UBE2B: variants seen among roughly 807,000 people sequenced by gnomAD.
UBE2B encodes the protein ubiquitin conjugating enzyme E2 B.
Under a neutral mutation model 24.6 loss-of-function variants are expected in UBE2B, and 11 were observed. The ratio of observed to expected loss-of-function variants is 0.45; its 90% CI spans 0.28 to 0.74. The LOEUF (loss-of-function observed/expected upper bound fraction) is 0.74, where lower values mean the gene tolerates loss of function less well. Ranked by LOEUF, UBE2B falls within the 30% of genes least tolerant of loss-of-function variation. The pLI, the probability that UBE2B is intolerant of heterozygous loss-of-function variation, is 0.13. For missense variants in UBE2B, 78 were observed against 185.6 expected (o/e 0.42, Z 3.37); for synonymous variants, 68 against 62.4 (o/e 1.09, Z -0.42).
chr5:134,390,105 T>C lies in UBE2B; in HGVS notation c.331-120T>C. ...TATTTAGACCCAAAATTATATGACA[T>C]GTTAATCTCTGAAGTAATTTGTTGT... On this transcript the variant is annotated intron_variant, in intron 5 of 5. Transcript: ENST00000265339. The surrounding 1 kb of genome is among the most constrained non-coding windows in gnomAD (Gnocchi z 4.6). The C allele has an allele frequency of 8.2e-7, 1 of 1,224,030 alleles. No homozygotes were observed. The allele number at this position is 1,224,030 out of a possible 1,614,324, so 75.8% of individuals were successfully genotyped here.
Position 134,391,758 on chromosome 5 carries a change from T to G in UBE2B, c.*1405T>G, listed in dbSNP as rs1404028601. 5 of 152,196 alleles carry G rather than the reference T, an allele frequency of 3.3e-5. No individual in the cohort carries two copies. The highest frequency in any genetic ancestry group is 1.2e-4 in the African/African-American group (5 of 41,472). The allele number at this position is 152,196 out of a possible 1,614,324, so 9.4% of individuals were successfully genotyped here. On this transcript the variant is annotated 3_prime_UTR_variant, in exon 6 of 6. Transcript: ENST00000265339. The stretch of plus-strand genomic sequence containing the variant: ...CGGGAGGATCACTTGAGGCCAGGAC[T>G]TTGAGACCAGCCAGGGCAACATAAT...
chr5:134,380,886 C>G, intron 4 of UBE2B, 78 bp downstream of exon 4: 1 of 841,516 alleles, frequency 1.2e-6, no homozygotes, highest in Non-Finnish European at 1.9e-6. Flanking sequence ...TTTCACCTTA[C>G]TTTTTACTGT....
In UBE2B at chr5:134,371,590, C is replaced by A; in HGVS notation, c.-6C>A. 6.2e-7 allele frequency: 1 copy of A among 1,612,448 alleles called. No individual in the cohort carries two copies. Among genetic ancestry groups the A allele is most frequent in the Non-Finnish European group, 8.5e-7 (1 of 1,179,732 alleles). On this transcript the variant is annotated 5_prime_UTR_variant, in exon 1 of 6. Transcript: ENST00000265339. ...TTTCAGACTGACCGCGGGGCAGCTG[C>A]GGAGCATGTCGACCCCGGCCCGGAG...
chr5:134,384,472 T>C lies in UBE2B; in HGVS notation c.241+3664T>C, dbSNP rs35267168. 7.3e-3 allele frequency among the ~76,000 whole-genome samples: 1,117 copies of C among 152,244 alleles called. 17 individuals are homozygous for C. The highest frequency in any genetic ancestry group is 0.025 in the African/African-American group (1,042 of 41,538). On this transcript the variant is annotated intron_variant, in intron 4 of 5. Transcript: ENST00000265339. ...AGCTTTATCTTGCTTAGACTTGTTA[T>C]TGAGTCAAACCAAACCAATTATGAT...
At position 134,388,059 on chromosome 5, in the gene UBE2B, C is replaced by T. The variant is rs1350924012; in HGVS notation, c.242-266C>T. Reference sequence around the variant, plus strand: ...CTCAAGCAATCCTGCCTGCCTCGGCCTCCCAAAGTGTTCAGGACTGGCGTG... The same window carrying T: ...CTCAAGCAATCCTGCCTGCCTCGGCTTCCCAAAGTGTTCAGGACTGGCGTG... On this transcript the variant is annotated intron_variant, in intron 4 of 5. Transcript: ENST00000265339. 5.1e-5 allele frequency: 23 copies of T among 446,754 alleles called. No homozygotes were observed. In the East Asian group the frequency reaches 9.9e-4, roughly 19 times the overall value. 27.7% of individuals were successfully genotyped at this position (446,754 alleles called of 1,614,324 possible).
chr5:134,378,534 C>T (rs35402099), intron 3 of UBE2B, among the ~76,000 whole-genome samples: 1 of 152,088 alleles, frequency 6.6e-6, no homozygotes, highest in East Asian at 1.9e-4. Context: ...AGTGCTGAGG[C>T]ATGAGCCACA....
intron 2 of UBE2B, among the ~76,000 whole-genome samples, chr5:134,376,348 A>AAAAAATATATATATATATATATATATAT: frequency 4.2e-4 from 2 of 4,776 alleles, no homozygotes; most frequent in Non-Finnish European, 5.5e-4. Flanking sequence ...AAAAAAAAAA[A>AAAAAATATATATATATATATATATATAT]ATATATATAT....
At chr5:134,376,869 C>T (rs1052152174) in intron 3 of UBE2B, among the ~76,000 whole-genome samples, 175 bp downstream of exon 3, 3 of 152,140 alleles carry the variant, frequency 2.0e-5, no homozygotes, top group African/African-American at 2.4e-5. Context: ...AGCTTGGTCA[C>T]CTCCATTGGT....
chr5:134,376,195 A>G (rs1282492240), intron 2 of UBE2B, among the ~76,000 whole-genome samples: 1 of 148,956 alleles, frequency 6.7e-6, no homozygotes, highest in South Asian at 2.1e-4. Flanking sequence ...TTAGCCAGGC[A>G]TCTGTAATCC....
At chr5:134,372,469 T>C (rs1758482477) in intron 1 of UBE2B, among the ~76,000 whole-genome samples, 1 of 152,214 alleles carries the variant, frequency 6.6e-6, no homozygotes, top group Non-Finnish European at 1.5e-5. Flanking sequence ...TATTGGATAC[T>C]TAGAGACATA....
intron 3 of UBE2B, 79 bp from the exon 4 acceptor site, chr5:134,380,640 C>A: frequency 1.2e-6 from 1 of 818,540 alleles, no homozygotes; most frequent in Non-Finnish European, 2.1e-6. Flanking sequence ...TGTACAAAAA[C>A]CAGTATGCAG....
At chr5:134,386,966 T>G (rs981939529) in intron 4 of UBE2B, among the ~76,000 whole-genome samples, 4 of 151,536 alleles carry the variant, frequency 2.6e-5, no homozygotes, top group African/African-American at 7.3e-5. Flanking sequence ...TCACTTTTTT[T>G]TTTTTTTTTT....
At chr5:134,378,352 G>A (rs1331525928) in intron 3 of UBE2B, among the ~76,000 whole-genome samples, 4 of 151,916 alleles carry the variant, frequency 2.6e-5, no homozygotes, top group Non-Finnish European at 4.4e-5. Flanking sequence ...CTCCGCCTCC[G>A]AGGTTCAAGT....
chr5:134,383,361 G>A (rs1163858852), intron 4 of UBE2B, among the ~76,000 whole-genome samples: 3 of 151,208 alleles, frequency 2.0e-5, no homozygotes, highest in African/African-American at 4.9e-5. Flanking sequence ...ACAGGCTGGA[G>A]TACAGTCGTG....
chr5:134,383,617 T>C (rs1167198589), intron 4 of UBE2B, among the ~76,000 whole-genome samples: 1 of 151,078 alleles, frequency 6.6e-6, no homozygotes, highest in Non-Finnish European at 1.5e-5. Context: ...CAAAGCTGTA[T>C]ATCCAGCTAA....
At chr5:134,375,813 A>G (rs1039781939) in intron 2 of UBE2B, among the ~76,000 whole-genome samples, 1 of 150,808 alleles carries the variant, frequency 6.6e-6, no homozygotes, top group Non-Finnish European at 1.5e-5. Flanking sequence ...AAAAAAAAAA[A>G]AAAAAAAAAA....
Position 134,371,855 on chromosome 5 carries a change from CA to C in UBE2B, c.44+221del, listed in dbSNP as rs1319839538. ...ATTTTGATACTGCTTCCCCTCCCCACAAAAAGTAAAACGGTGTCGATCGACT... is the reference window on the plus strand; with the variant it reads ...ATTTTGATACTGCTTCCCCTCCCCACAAAAGTAAAACGGTGTCGATCGACT... On this transcript the variant is annotated intron_variant, in intron 1 of 5. Coordinates refer to ENST00000265339, the MANE Select transcript of UBE2B (RefSeq NM_003337.4). 2.6e-5 allele frequency among the ~76,000 whole-genome samples: 4 copies of C among 152,326 alleles called. No homozygotes were observed. In the East Asian group the frequency reaches 7.7e-4, roughly 29 times the overall value.
In UBE2B at chr5:134,376,364, T is replaced by TATAC. The variant is rs70976528; in HGVS notation, c.126-304_126-303insTACA. Among the ~76,000 whole-genome samples, 202 of 79,448 alleles carry TATAC rather than the reference T, an allele frequency of 2.5e-3. 18 individuals carry two copies. Among genetic ancestry groups the TATAC allele is most frequent in the African/African-American group, 9.5e-3 (185 of 19,380 alleles). The allele number at this position is 79,448 out of a possible 152,430, so 52.1% of individuals were successfully genotyped here. ...AAAAAAAAAAATATATATATATATA[T>TATAC]ACACATATGTACAAAATGACTGGTC... On this transcript the variant is annotated intron_variant, in intron 2 of 5. Transcript: ENST00000265339.
intron 5 of UBE2B, chr5:134,389,873 G>T (rs1286940588): frequency 3.3e-6 from 1 of 299,304 alleles, no homozygotes; most frequent in African/African-American, 2.2e-5. Context: ...TAGAAACAGG[G>T]TCTCCCTATG....
Sources: gnomAD v4.1 joint callset for allele counts (sites outside exome capture counted in the v4.1 genomes callset) on GRCh38, gnomAD v4.1.1 for gene constraint, Gnocchi (gnomAD v3.1) non-coding constraint, MANE v1.5 for transcripts, NCBI Gene and HGNC (gene_info 2026-07-23, HGNC 2026-07-21) for gene names.